The following SGCZ variants were observed in gnomAD, a reference collection of about 807,000 sequenced individuals.
SGCZ encodes the protein sarcoglycan zeta, also known as zeta-sarcoglycan.
Under a neutral mutation model 41.3 loss-of-function variants are expected in SGCZ, and 40 were observed. The ratio of observed to expected loss-of-function variants is 0.97; its 90% CI spans 0.75 to 1.26. The LOEUF (loss-of-function observed/expected upper bound fraction) is 1.26, where lower values mean the gene tolerates loss of function less well. SGCZ is among the 50% of genes most tolerant of loss of function. The pLI, the probability that SGCZ is intolerant of heterozygous loss-of-function variation, is 0.00. For synonymous variants in SGCZ, 206 were observed against 137.5 expected, an observed-to-expected ratio of 1.50 and a Z score of -3.49; for missense variants, 552 against 369.8, an observed-to-expected ratio of 1.49 and a Z score of -4.04.
intron 5 of SGCZ, among the ~76,000 whole-genome samples, chr8:14,131,024 G>A (rs2117057472): frequency 6.6e-6 from 1 of 152,246 alleles, no homozygotes; most frequent in Admixed American, 6.5e-5. Flanking sequence ...TATAAAACCA[G>A]CTGCACCTAA....
intron 1 of SGCZ, among the ~76,000 whole-genome samples, chr8:15,087,965 A>G (rs1242431492): frequency 6.7e-6 from 1 of 150,068 alleles, no homozygotes; most frequent in Non-Finnish European, 1.5e-5. Flanking sequence ...ATTTTTTAGT[A>G]ACCACCATTA....
intron 2 of SGCZ, among the ~76,000 whole-genome samples, chr8:14,399,065 G>A (rs1037934): frequency 0.17 from 25,766 of 152,022 alleles, 5,167 homozygotes; most frequent in African/African-American, 0.48. Flanking sequence ...GGCCTGTTAA[G>A]TTCAGAAACC....
chr8:14,157,176 A>G (rs1803900277), intron 5 of SGCZ, among the ~76,000 whole-genome samples: 1 of 151,724 alleles, frequency 6.6e-6, no homozygotes, highest in African/African-American at 2.4e-5. Flanking sequence ...ACTAGGTGAT[A>G]AGAAATTTTA....
intron 4 of SGCZ, among the ~76,000 whole-genome samples, chr8:14,234,455 A>G (rs1018141411): frequency 1.3e-5 from 2 of 152,100 alleles, no homozygotes; most frequent in African/African-American, 4.8e-5. Context: ...TAAAATATGG[A>G]AAATACTCAA....
At chr8:14,655,370 T>G (rs1219445850) in intron 1 of SGCZ, among the ~76,000 whole-genome samples, 1 of 152,162 alleles carries the variant, frequency 6.6e-6, no homozygotes, top group Non-Finnish European at 1.5e-5. Context: ...CACTGATTTT[T>G]GTTCCTGTAA....
intron 2 of SGCZ, among the ~76,000 whole-genome samples, chr8:14,508,283 T>C (rs962716595): frequency 6.6e-6 from 1 of 152,168 alleles, no homozygotes; most frequent in Non-Finnish European, 1.5e-5. Flanking sequence ...TGTAGAACAG[T>C]GTCTGGCACA....
chr8:15,079,104 C>T (rs78074009), intron 1 of SGCZ, among the ~76,000 whole-genome samples: 5,807 of 152,084 alleles, frequency 0.038, 144 homozygotes, highest in Non-Finnish European at 0.056. Context: ...CTAAAAGATC[C>T]GTAACTTTTA....
intron 1 of SGCZ, among the ~76,000 whole-genome samples, chr8:14,787,267 T>C (rs894084122): frequency 9.9e-5 from 15 of 152,092 alleles, no homozygotes; most frequent in African/African-American, 3.6e-4. Flanking sequence ...AATTCAGGTG[T>C]ATCCTCCCAA....
At chr8:15,087,770 A>T (rs1479191941) in intron 1 of SGCZ, among the ~76,000 whole-genome samples, 1 of 152,192 alleles carries the variant, frequency 6.6e-6, no homozygotes, top group Non-Finnish European at 1.5e-5. Flanking sequence ...AGAATGAAAC[A>T]AGAGTCAACT....
At chr8:14,850,343 G>C (rs1003793968) in intron 1 of SGCZ, among the ~76,000 whole-genome samples, 3 of 152,122 alleles carry the variant, frequency 2.0e-5, no homozygotes, top group Admixed American at 2.0e-4. Flanking sequence ...CTTTAAAGGA[G>C]AGAAGGAGGT....
chr8:14,242,516 G>A (rs112147189), intron 3 of SGCZ, among the ~76,000 whole-genome samples: 20 of 152,230 alleles, frequency 1.3e-4, no homozygotes, highest in Admixed American at 3.9e-4. Flanking sequence ...CTGTAAAATA[G>A]GGGTCATAGC....
chr8:14,372,112 T>C (rs758409307), intron 2 of SGCZ, among the ~76,000 whole-genome samples: 1 of 152,114 alleles, frequency 6.6e-6, no homozygotes, highest in African/African-American at 2.4e-5. Flanking sequence ...GATTTTAGGA[T>C]ATACAATAAG....
At chr8:14,546,212 G>C (rs1002921326) in intron 2 of SGCZ, among the ~76,000 whole-genome samples, 1 of 152,134 alleles carries the variant, frequency 6.6e-6, no homozygotes, top group African/African-American at 2.4e-5. Context: ...GCTGGTGCTC[G>C]CAGGCAGAGC....
At chr8:15,099,084 A>C (rs1400325149) in intron 1 of SGCZ, among the ~76,000 whole-genome samples, 1 of 152,182 alleles carries the variant, frequency 6.6e-6, no homozygotes, top group Non-Finnish European at 1.5e-5. Context: ...AACAAAAAAC[A>C]GTAGTGCCTC....
chr8:14,672,431 T>C lies in SGCZ; in HGVS notation c.40-117505A>G, dbSNP rs143940830. 9.7e-4 allele frequency among the ~76,000 whole-genome samples: 147 copies of C among 152,266 alleles called. 1 individual carries two copies. In the East Asian group the frequency reaches 0.024, roughly 24 times the overall value. On this transcript the variant is annotated intron_variant, in intron 1 of 7. Transcript: ENST00000382080. ...TAAACTACAGGAATCAAGCTGGTGG[T>C]TGTTTTTTAAATTCATGTATGTATG...
At chr8:14,223,729 G>C (rs535238392) in intron 4 of SGCZ, among the ~76,000 whole-genome samples, 1 of 152,204 alleles carries the variant, frequency 6.6e-6, no homozygotes, top group South Asian at 2.1e-4. Context: ...TAAATCAAGT[G>C]ATAACCCTTA....
intron 1 of SGCZ, among the ~76,000 whole-genome samples, chr8:14,662,676 C>G (rs1807792277): frequency 6.6e-6 from 1 of 151,914 alleles, no homozygotes; most frequent in Non-Finnish European, 1.5e-5. Flanking sequence ...CATTAGAGGA[C>G]AAAAGAAAAT....
intron 1 of SGCZ, among the ~76,000 whole-genome samples, chr8:14,724,699 A>ATG (rs199790908): frequency 0.059 from 8,981 of 151,594 alleles, 766 homozygotes; most frequent in African/African-American, 0.19. Context: ...ATATATATAT[A>ATG]TGCATATTTA....
intron 1 of SGCZ, among the ~76,000 whole-genome samples, chr8:15,027,192 T>A (rs1329842035): frequency 6.6e-6 from 1 of 152,108 alleles, no homozygotes; most frequent in Non-Finnish European, 1.5e-5. Context: ...TTGACCCACC[T>A]CTTACAGACT....
Sources: gnomAD v4.1 joint callset for allele counts (sites outside exome capture counted in the v4.1 genomes callset) on GRCh38, gnomAD v4.1.1 for gene constraint, MANE v1.5 for transcripts, NCBI Gene and HGNC (gene_info 2026-07-23, HGNC 2026-07-21) for gene names.